CBLN2: variants seen among roughly 807,000 people sequenced by gnomAD.
CBLN2 encodes the protein cerebellin-2.
In CBLN2, 7 loss-of-function variants were observed where a neutral mutation model predicts 15.0. The ratio of observed to expected loss-of-function variants is 0.47; its 90% CI spans 0.27 to 0.88. The LOEUF (loss-of-function observed/expected upper bound fraction) is 0.88, where lower values mean the gene tolerates loss of function less well. CBLN2 is among the 40% of genes least tolerant of loss of function. The pLI is 0.14. For synonymous variants in CBLN2, 149 were observed against 135.2 expected, an observed-to-expected ratio of 1.10 and a Z score of -0.71; for missense variants, 242 against 304.5, an observed-to-expected ratio of 0.79 and a Z score of 1.53.
chr18:72,597,655 G>C (rs1460031753), intron 1 of CBLN2, among the ~76,000 whole-genome samples: 1 of 152,186 alleles, frequency 6.6e-6, no homozygotes, highest in African/African-American at 2.4e-5. Flanking sequence ...TCCCTGAGAA[G>C]GTCCAGAGAT....
At chr18:72,592,760 C>T (rs1456487686) in intron 1 of CBLN2, among the ~76,000 whole-genome samples, 1 of 152,064 alleles carries the variant, frequency 6.6e-6, no homozygotes, top group African/African-American at 2.4e-5. Context: ...GTATTTTTAC[C>T]AGTGTATGTT....
intron 1 of CBLN2, among the ~76,000 whole-genome samples, chr18:72,593,047 T>G (rs1346523258): frequency 6.6e-6 from 1 of 152,112 alleles, no homozygotes; most frequent in African/African-American, 2.4e-5. Flanking sequence ...TATTTTGGCA[T>G]GAATTGCATT....
At chr18:72,563,159 T>G (rs531389521) in intron 1 of CBLN2, among the ~76,000 whole-genome samples, 27 of 152,296 alleles carry the variant, frequency 1.8e-4, no homozygotes, top group African/African-American at 5.5e-4. Context: ...ATCCAGAGAT[T>G]AAATCACAAT....
intron 1 of CBLN2, among the ~76,000 whole-genome samples, chr18:72,593,069 C>T (rs753898822): frequency 1.6e-4 from 25 of 152,040 alleles, no homozygotes; most frequent in Non-Finnish European, 3.1e-4. Context: ...AATCTGTAGA[C>T]TGCTTTGGGT....
chr18:72,548,823 C>G (rs186967705), upstream of CBLN2, among the ~76,000 whole-genome samples: 418 of 152,110 alleles, frequency 2.7e-3, 3 homozygotes, highest in African/African-American at 9.7e-3. Context: ...ATAAATGCAC[C>G]CAGGCTGCGA....
In CBLN2 at chr18:72,584,956, G is replaced by A. The variant is rs1480588088; in HGVS notation, c.16-46184C>T. Among the ~76,000 whole-genome samples the A allele has an allele frequency of 7.2e-5, 11 of 152,174 alleles. 1 individual carries two copies. The highest frequency in any genetic ancestry group is 1.6e-4 in the Non-Finnish European group (11 of 68,038). ...CCAGGCACAGAGCAGTGAAGGGTGTGTGAGCAAGTGAGCACAGGGTCTGGT... is the reference window on the plus strand; with the variant it reads ...CCAGGCACAGAGCAGTGAAGGGTGTATGAGCAAGTGAGCACAGGGTCTGGT... On this transcript the variant is annotated intron_variant, in intron 1 of 2. Coordinates refer to the CBLN2 transcript ENST00000581073.
chr18:72,567,211 C>T (rs747020237), intron 1 of CBLN2, among the ~76,000 whole-genome samples: 1 of 152,046 alleles, frequency 6.6e-6, no homozygotes, highest in East Asian at 1.9e-4. Flanking sequence ...AACATCATAC[C>T]GTATTCCATA....
At chr18:72,574,140 T>C (rs1301152859) in intron 1 of CBLN2, among the ~76,000 whole-genome samples, 1 of 152,234 alleles carries the variant, frequency 6.6e-6, no homozygotes. Flanking sequence ...TTGTTCATTT[T>C]GTTTATTGTC....
intron 1 of CBLN2, among the ~76,000 whole-genome samples, chr18:72,550,725 G>C (rs1469984929): frequency 6.8e-6 from 1 of 146,532 alleles, no homozygotes. Flanking sequence ...TTTTAATTTT[G>C]TAAATCCTCT....
At chr18:72,592,306 T>A (rs1005525597) in intron 1 of CBLN2, among the ~76,000 whole-genome samples, 8 of 152,096 alleles carry the variant, frequency 5.3e-5, no homozygotes, top group Non-Finnish European at 7.4e-5. Flanking sequence ...CTTTTTTTTT[T>A]AAATATCCAT....
At chr18:72,607,093 C>G (rs2069588198) in intron 1 of CBLN2, among the ~76,000 whole-genome samples, 1 of 152,148 alleles carries the variant, frequency 6.6e-6, no homozygotes, top group Non-Finnish European at 1.5e-5. Flanking sequence ...AATAAGGAAG[C>G]TTGGGCACAG....
intron 1 of CBLN2, among the ~76,000 whole-genome samples, chr18:72,603,783 T>C (rs1044530086): frequency 6.6e-6 from 1 of 152,106 alleles, no homozygotes; most frequent in Non-Finnish European, 1.5e-5. Flanking sequence ...CTAAACTTAA[T>C]TATAGATTGC....
At chr18:72,562,793 C>T (rs185500876) in intron 1 of CBLN2, among the ~76,000 whole-genome samples, 89 of 152,282 alleles carry the variant, frequency 5.8e-4, no homozygotes, top group African/African-American at 1.7e-3. Flanking sequence ...TCATGATTCA[C>T]GGGGTTTTTA....
intron 1 of CBLN2, chr18:72,619,278 A>T: frequency 1.4e-6 from 1 of 718,438 alleles, no homozygotes; most frequent in Non-Finnish European, 2.3e-6. Flanking sequence ...AGTGACGGGG[A>T]AGCTACAGGT....
At chr18:72,541,689 G>T (rs1010905371) in intron 3 of CBLN2, 115 bp downstream of exon 3, 19 of 721,562 alleles carry the variant, frequency 2.6e-5, no homozygotes, top group Non-Finnish European at 4.1e-5. Context: ...CAGGGCAGAG[G>T]GGGAGGACAG....
At chr18:72,629,165 C>A (rs1022432451) in intron 1 of CBLN2, among the ~76,000 whole-genome samples, 6 of 152,064 alleles carry the variant, frequency 3.9e-5, no homozygotes, top group Non-Finnish European at 8.8e-5. Context: ...GTCCACTGGT[C>A]TTCTTTTAAG....
intron 1 of CBLN2, among the ~76,000 whole-genome samples, chr18:72,581,191 T>G (rs2069401251): frequency 6.6e-6 from 1 of 152,196 alleles, no homozygotes; most frequent in Admixed American, 6.5e-5. Context: ...TTCACAGCAG[T>G]CTTGAATAAT....
intron 1 of CBLN2, among the ~76,000 whole-genome samples, chr18:72,554,222 A>C (rs2069209536): frequency 6.6e-6 from 1 of 152,260 alleles, no homozygotes; most frequent in Middle Eastern, 3.4e-3. Flanking sequence ...AAGCAGTCAA[A>C]TTGAAATGTA....
intron 1 of CBLN2, among the ~76,000 whole-genome samples, chr18:72,576,998 G>A (rs965876075): frequency 1.4e-5 from 2 of 147,156 alleles, no homozygotes; most frequent in Admixed American, 1.4e-4. Flanking sequence ...AATTATAAAT[G>A]TGATAATTTA....
Sources: gnomAD v4.1 joint callset for allele counts (sites outside exome capture counted in the v4.1 genomes callset) on GRCh38, gnomAD v4.1.1 for gene constraint, MANE v1.5 for transcripts, NCBI Gene and HGNC (gene_info 2026-07-23, HGNC 2026-07-21) for gene names.